ZNF385D: variants seen among roughly 807,000 people sequenced by gnomAD.
ZNF385D encodes the protein zinc finger protein 385D, also known as zinc finger protein 659.
Under a neutral mutation model 35.8 loss-of-function variants are expected in ZNF385D, and 15 were observed. That is an observed-to-expected ratio of 0.42 (90% CI 0.28 to 0.64). The LOEUF (loss-of-function observed/expected upper bound fraction) is 0.64. Ranked by LOEUF, ZNF385D falls within the 30% of genes least tolerant of loss-of-function variation. The pLI is 0.23. For missense variants in ZNF385D, 474 were observed against 494.6 expected, an observed-to-expected ratio of 0.96 and a Z score of 0.39; for synonymous variants, 212 against 186.8, an observed-to-expected ratio of 1.13 and a Z score of -1.10.
At chr3:22,065,277 G>C (rs1699881791) in intron 3 of ZNF385D, among the ~76,000 whole-genome samples, 1 of 152,208 alleles carries the variant, frequency 6.6e-6, no homozygotes, top group African/African-American at 2.4e-5. Context: ...TTTTAAGAAA[G>C]CAAGATGGAC....
chr3:21,982,023 T>G (rs1694483297), intron 3 of ZNF385D, among the ~76,000 whole-genome samples: 1 of 152,102 alleles, frequency 6.6e-6, no homozygotes, highest in Non-Finnish European at 1.5e-5. Flanking sequence ...TTCTTTGTGC[T>G]TAGGATCGCC....
At chr3:21,916,928 G>A (rs146596359) in intron 3 of ZNF385D, among the ~76,000 whole-genome samples, 2 of 152,128 alleles carry the variant, frequency 1.3e-5, no homozygotes, top group South Asian at 4.1e-4. Context: ...CATTCTGTAT[G>A]TCGATTAGCG....
rs181057380 is a variant in ZNF385D, at chr3:22,200,282, G to A, written c.107-31247C>T. Among the ~76,000 whole-genome samples, 3 of 152,098 alleles carry A rather than the reference G, an allele frequency of 2.0e-5. No individual in the cohort carries two copies. The East Asian group carries it at 5.8e-4, about 30-fold the overall frequency. ...TCTTTTCTATTTTCCCTAAGCATTG[G>A]CCGGTTTGAGAAGTAAAGGGACAGA... On this transcript the variant is annotated intron_variant, in intron 2 of 5. Coordinates refer to the ZNF385D transcript ENST00000494108.
chr3:21,615,791 A>AGTGTGTGTGTGTGT (rs1342670645), intron 2 of ZNF385D, among the ~76,000 whole-genome samples: 6 of 55,696 alleles, frequency 1.1e-4, no homozygotes, highest in East Asian at 1.8e-3. Context: ...AAATGGAGAA[A>AGTGTGTGTGTGTGT]GAGTGTGTGT....
At chr3:22,213,961 T>C (rs1697690009) in intron 2 of ZNF385D, among the ~76,000 whole-genome samples, 1 of 152,018 alleles carries the variant, frequency 6.6e-6, no homozygotes, top group Admixed American at 6.6e-5. Flanking sequence ...TTCCAATTAG[T>C]AAAGACCTAT....
At chr3:21,981,109 T>C (rs13095800) in intron 3 of ZNF385D, among the ~76,000 whole-genome samples, 39,529 of 152,052 alleles carry the variant, frequency 0.26, 5,668 homozygotes, top group South Asian at 0.36. Context: ...GGTTGAATGA[T>C]AGTTGTACTT....
At chr3:21,689,502 T>G (rs2067214422) in intron 1 of ZNF385D, among the ~76,000 whole-genome samples, 1 of 152,148 alleles carries the variant, frequency 6.6e-6, no homozygotes, top group Admixed American at 6.5e-5. Flanking sequence ...AATACAATAG[T>G]CACTGGAAAT....
chr3:22,282,535 T>C (rs534460091), intron 2 of ZNF385D, among the ~76,000 whole-genome samples: 4 of 152,070 alleles, frequency 2.6e-5, no homozygotes, highest in South Asian at 4.1e-4. Flanking sequence ...TGTGTTTGCA[T>C]AGTTTTGAGG....
rs550652986 is a variant in ZNF385D, at chr3:22,138,419, C to T, written c.325+30398G>A. On this transcript the variant is annotated intron_variant, in intron 3 of 5. Coordinates refer to the ZNF385D transcript ENST00000494108. Reference sequence around the variant, plus strand: ...TCACACTACCTGACTTCAAACTATACTACAAGGCTACAGTAACCAAAACAG... The same window carrying T: ...TCACACTACCTGACTTCAAACTATATTACAAGGCTACAGTAACCAAAACAG... Among the ~76,000 whole-genome samples the T allele has an allele frequency of 1.7e-4, 26 of 152,258 alleles. No individual in the cohort carries two copies. The East Asian group carries it at 4.2e-3, about 25-fold the overall frequency.
intron 4 of ZNF385D, among the ~76,000 whole-genome samples, chr3:21,497,169 A>G (rs570104557): frequency 6.6e-6 from 1 of 152,264 alleles, no homozygotes; most frequent in African/African-American, 2.4e-5. Context: ...TCTGCCCAAA[A>G]GCTCCTAGAT....
intron 3 of ZNF385D, among the ~76,000 whole-genome samples, chr3:21,758,541 G>A (rs1249107205): frequency 2.0e-5 from 3 of 152,148 alleles, no homozygotes; most frequent in Non-Finnish European, 2.9e-5. Context: ...AGCAGGTGAG[G>A]AACCTAATAT....
chr3:21,631,763 C>T (rs2065286956), intron 2 of ZNF385D, among the ~76,000 whole-genome samples: 1 of 152,030 alleles, frequency 6.6e-6, no homozygotes. Context: ...AGGAAACTTC[C>T]TGATGCCAGA....
intron 3 of ZNF385D, among the ~76,000 whole-genome samples, chr3:21,916,860 T>C (rs193164470): frequency 6.6e-6 from 1 of 152,328 alleles, no homozygotes; most frequent in Admixed American, 6.5e-5. Flanking sequence ...AACTTAGCTT[T>C]AGATCTCAAT....
intron 1 of ZNF385D, among the ~76,000 whole-genome samples, chr3:21,683,674 C>T (rs777381943): frequency 9.3e-5 from 14 of 149,750 alleles, no homozygotes; most frequent in Non-Finnish European, 2.1e-4. Context: ...TGTTCAAAAG[C>T]GAAGAGCATT....
At chr3:21,506,148 G>C (rs233163) in intron 4 of ZNF385D, among the ~76,000 whole-genome samples, 109,749 of 151,994 alleles carry the variant, frequency 0.72, 39,904 homozygotes, top group East Asian at 0.84. Context: ...AATTATTCTT[G>C]CCTGCCCCAT....
chr3:21,980,818 T>G (rs781707704), intron 3 of ZNF385D, among the ~76,000 whole-genome samples: 1 of 152,168 alleles, frequency 6.6e-6, no homozygotes, highest in African/African-American at 2.4e-5. Context: ...CATGTAATAT[T>G]TGGTTTTCTG....
rs377459174 is a variant in ZNF385D, at chr3:22,365,068, A to C, written c.106+7382T>G. 1.5e-4 allele frequency among the ~76,000 whole-genome samples: 23 copies of C among 152,156 alleles called. No individual in the cohort carries two copies. The East Asian group carries it at 2.3e-3, about 15-fold the overall frequency. ...ATCAATCATAGAGACAGAAAATAGC[A>C]TGGTGGTTGCCAGGGGCTGTGGGCA... On this transcript the variant is annotated intron_variant, in intron 2 of 5. Coordinates refer to the ZNF385D transcript ENST00000494108.
At chr3:22,192,734 ATG>A (rs1251654777) in intron 2 of ZNF385D, among the ~76,000 whole-genome samples, 1 of 152,128 alleles carries the variant, frequency 6.6e-6, no homozygotes, top group Non-Finnish European at 1.5e-5. Context: ...CCTATAGAAA[ATG>A]TGTGAGATAA....
At chr3:21,863,743 T>C (rs1025189659) in intron 3 of ZNF385D, among the ~76,000 whole-genome samples, 4 of 152,134 alleles carry the variant, frequency 2.6e-5, no homozygotes, top group Admixed American at 2.0e-4. Flanking sequence ...GTACGATTGA[T>C]ACAGAAAAGC....
Sources: gnomAD v4.1 joint callset for allele counts (sites outside exome capture counted in the v4.1 genomes callset) on GRCh38, gnomAD v4.1.1 for gene constraint, MANE v1.5 for transcripts, NCBI Gene and HGNC (gene_info 2026-07-23, HGNC 2026-07-21) for gene names.